The following ULK4 variants were observed in gnomAD, a reference collection of about 807,000 sequenced individuals.
ULK4 encodes the protein unc-51 like kinase 4, also known as inactive serine/threonine-protein kinase ULK4.
ULK4 carries 133 observed loss-of-function variants against 160.6 expected under a neutral mutation model. The ratio of observed to expected loss-of-function variants is 0.83; its 90% CI spans 0.72 to 0.96. The LOEUF (loss-of-function observed/expected upper bound fraction) is 0.96. ULK4 is among the 40% of genes least tolerant of loss of function. The probability of loss-of-function intolerance (pLI) is 0.00; values close to 1 mark genes in which losing one functional copy is unlikely to be tolerated. For missense variants in ULK4, 1,580 were observed against 1,499.5 expected, an observed-to-expected ratio of 1.05 and a Z score of -0.89; for synonymous variants, 534 against 539.8, an observed-to-expected ratio of 0.99 and a Z score of 0.15.
chr3:41,666,447 A>G (rs1362320341), intron 29 of ULK4, among the ~76,000 whole-genome samples: 1 of 152,216 alleles, frequency 6.6e-6, no homozygotes, highest in Non-Finnish European at 1.5e-5. Flanking sequence ...AACCCTTTAT[A>G]GCATACATCC....
intron 17 of ULK4, among the ~76,000 whole-genome samples, chr3:41,880,345 A>C (rs973546252): frequency 4.6e-5 from 7 of 152,338 alleles, no homozygotes; most frequent in Admixed American, 2.0e-4. Context: ...ATGTCAATAA[A>C]TGCTTCTAAA....
chr3:41,888,995 T>C (rs116539967), intron 16 of ULK4, among the ~76,000 whole-genome samples: 368 of 152,310 alleles, frequency 2.4e-3, no homozygotes, highest in African/African-American at 7.9e-3. Flanking sequence ...TGCCAACTTC[T>C]ATACCAATCA....
chr3:41,320,914 C>G (rs1447762355), intron 35 of ULK4, among the ~76,000 whole-genome samples: 3 of 151,858 alleles, frequency 2.0e-5, no homozygotes, highest in East Asian at 1.9e-4. Flanking sequence ...GACACTGTCT[C>G]AAAATAATAA....
At chr3:41,729,252 GT>G (rs2037747694) in intron 22 of ULK4, among the ~76,000 whole-genome samples, 1 of 152,270 alleles carries the variant, frequency 6.6e-6, no homozygotes, top group East Asian at 1.9e-4. Flanking sequence ...CAAGAAAAAG[GT>G]AAAGCAAGGA....
At chr3:41,775,448 G>C (rs2039575070) in intron 21 of ULK4, among the ~76,000 whole-genome samples, 1 of 147,444 alleles carries the variant, frequency 6.8e-6, no homozygotes, top group Non-Finnish European at 1.5e-5. Context: ...ACCCAGGCTG[G>C]AGTGCAGTGG....
In ULK4 at chr3:41,545,824, G is replaced by A. The variant is rs530800665; in HGVS notation, c.3226+20201C>T. On this transcript the variant is annotated intron_variant, in intron 32 of 36. Transcript: ENST00000301831. The stretch of plus-strand genomic sequence containing the variant: ...ATTTTTTTAAATCTTTTCTTTCTCT[G>A]TCTCTCACATGGGAAAATTTCTATT... 1.3e-4 allele frequency among the ~76,000 whole-genome samples: 19 copies of A among 151,334 alleles called. No homozygotes were observed. In the South Asian group the frequency reaches 3.1e-3, roughly 25 times the overall value.
At chr3:41,426,316 C>T (rs1454770224) in intron 34 of ULK4, among the ~76,000 whole-genome samples, 2 of 152,156 alleles carry the variant, frequency 1.3e-5, no homozygotes, top group African/African-American at 4.8e-5. Flanking sequence ...TAGACTCCCA[C>T]ACAATAATAG....
At chr3:41,903,082 C>A (rs1331051548) in intron 12 of ULK4, among the ~76,000 whole-genome samples, 2 of 151,836 alleles carry the variant, frequency 1.3e-5, no homozygotes, top group Non-Finnish European at 2.9e-5. Flanking sequence ...AGGAAGGGGG[C>A]AGAAGGAAAG....
chr3:41,389,054 G>A (rs1479485129), intron 35 of ULK4, among the ~76,000 whole-genome samples: 3 of 151,932 alleles, frequency 2.0e-5, no homozygotes, highest in South Asian at 2.1e-4. Context: ...ATTCCATTGA[G>A]CAGTGGTTTG....
intron 21 of ULK4, among the ~76,000 whole-genome samples, chr3:41,763,245 T>C (rs1264471174): frequency 6.6e-6 from 1 of 151,912 alleles, no homozygotes; most frequent in Non-Finnish European, 1.5e-5. Flanking sequence ...AATACACGAA[T>C]TAAATCTCCA....
In ULK4 at chr3:41,931,014, A is replaced by G. The variant is rs377262831; in HGVS notation, c.541+830T>C. Among the ~76,000 whole-genome samples the G allele has an allele frequency of 2.0e-5, 3 of 152,352 alleles. No homozygotes were observed. In the South Asian group the frequency reaches 6.2e-4, roughly 32 times the overall value. ...CCAAAGGATTATAAATCATTCTACT[A>G]TAAAGACATATGCACACGTATGTTT... is the stretch of plus-strand genomic sequence containing the variant. On this transcript the variant is annotated intron_variant, in intron 5 of 36. Transcript: ENST00000301831.
chr3:41,281,736 A>G (rs536957449), intron 35 of ULK4, among the ~76,000 whole-genome samples: 3 of 152,238 alleles, frequency 2.0e-5, no homozygotes, highest in Non-Finnish European at 4.4e-5. Context: ...TTTGAAAACC[A>G]GCACAAAACA....
intron 32 of ULK4, among the ~76,000 whole-genome samples, chr3:41,556,091 T>C (rs1288098284): frequency 6.6e-6 from 1 of 152,184 alleles, no homozygotes; most frequent in South Asian, 2.1e-4. Flanking sequence ...GCTTAATACC[T>C]GGCTGATGAC....
chr3:41,843,717 G>A (rs2041993516), intron 17 of ULK4, among the ~76,000 whole-genome samples: 1 of 152,160 alleles, frequency 6.6e-6, no homozygotes, highest in African/African-American at 2.4e-5. Context: ...AAGAGCAAAA[G>A]AACAAAGCTT....
At chr3:41,877,646 G>T (rs1338141393) in intron 17 of ULK4, among the ~76,000 whole-genome samples, 2 of 151,986 alleles carry the variant, frequency 1.3e-5, no homozygotes, top group African/African-American at 2.4e-5. Flanking sequence ...CTTATGAGAA[G>T]AAAAATAAAA....
intron 35 of ULK4, among the ~76,000 whole-genome samples, chr3:41,366,930 A>G (rs1441494545): frequency 6.6e-6 from 1 of 151,982 alleles, no homozygotes; most frequent in African/African-American, 2.4e-5. Context: ...CTCAGAGAGA[A>G]CTCTTCAAGC....
In ULK4 at chr3:41,716,216, A is replaced by AAATAATAATAATAAT. The variant is rs61340837; in HGVS notation, c.2456-663_2456-649dup. ...CGACAGAGCAAGACTCTGTCTCACAAAATAATAATAATAATAATAATAATA... is the reference window on the plus strand; with the variant it reads ...CGACAGAGCAAGACTCTGTCTCACAAAATAATAATAATAATAATAATAATAATAATAATAATAATA... On this transcript the variant is annotated intron_variant, in intron 23 of 36. Coordinates refer to ENST00000301831, the MANE Select transcript of ULK4 (RefSeq NM_017886.4). Among the ~76,000 whole-genome samples, 305 of 139,252 alleles carry AAATAATAATAATAAT rather than the reference A, an allele frequency of 2.2e-3. 1 individual carries two copies. The highest frequency in any genetic ancestry group is 6.4e-3 in the African/African-American group (241 of 37,630). 91.4% of individuals were successfully genotyped at this position (139,252 alleles called of 152,430 possible).
chr3:41,446,011 C>G (rs1442703754), intron 34 of ULK4, among the ~76,000 whole-genome samples: 1 of 152,014 alleles, frequency 6.6e-6, no homozygotes, highest in Non-Finnish European at 1.5e-5. Context: ...CTACAATGAA[C>G]TCAAACAAAT....
chr3:41,810,225 GT>G (rs1268111677), intron 19 of ULK4, among the ~76,000 whole-genome samples: 4 of 151,964 alleles, frequency 2.6e-5, no homozygotes, highest in Admixed American at 6.6e-5. Context: ...AATTTCATTT[GT>G]TTTATTTCTT....
Sources: gnomAD v4.1 joint callset for allele counts (sites outside exome capture counted in the v4.1 genomes callset) on GRCh38, gnomAD v4.1.1 for gene constraint, MANE v1.5 for transcripts, NCBI Gene and HGNC (gene_info 2026-07-23, HGNC 2026-07-21) for gene names.